The following CADM1 variants were observed in gnomAD, a reference collection of about 807,000 sequenced individuals.
CADM1 encodes the protein cell adhesion molecule 1, also known as TSLC-1.
Under a neutral mutation model 53.1 loss-of-function variants are expected in CADM1, and 15 were observed. The ratio of observed to expected loss-of-function variants is 0.28; its 90% CI spans 0.19 to 0.44. The LOEUF (loss-of-function observed/expected upper bound fraction) is 0.44. Ranked by LOEUF, CADM1 falls within the 20% of genes least tolerant of loss-of-function variation. The pLI, the probability that CADM1 is intolerant of heterozygous loss-of-function variation, is 1.00. For synonymous variants in CADM1, 281 were observed against 243.0 expected (o/e 1.16, Z -1.45); for missense variants, 434 against 611.3 (o/e 0.71, Z 3.06).
chr11:115,220,685 A>G (rs1941371971), intron 5 of CADM1, among the ~76,000 whole-genome samples: 1 of 152,170 alleles, frequency 6.6e-6, no homozygotes, highest in African/African-American at 2.4e-5. Flanking sequence ...CAGCCTAGGA[A>G]TCAAATATTA....
intron 1 of CADM1, among the ~76,000 whole-genome samples, chr11:115,324,469 C>A (rs1395565406): frequency 6.6e-6 from 1 of 150,910 alleles, no homozygotes; most frequent in Non-Finnish European, 1.5e-5. Context: ...CTACAGAGCC[C>A]CAATCGGTAA....
At chr11:115,495,016 C>G (rs188944099) in intron 1 of CADM1, among the ~76,000 whole-genome samples, 1 of 152,206 alleles carries the variant, frequency 6.6e-6, no homozygotes, top group Admixed American at 6.5e-5. Flanking sequence ...GAGAGCTCTT[C>G]ACAATGAAGT....
intron 5 of CADM1, among the ~76,000 whole-genome samples, chr11:115,223,196 T>C (rs1224051598): frequency 6.6e-6 from 1 of 152,142 alleles, no homozygotes; most frequent in Non-Finnish European, 1.5e-5. Context: ...AGAATATAAT[T>C]TTGTTTTTCT....
intron 1 of CADM1, among the ~76,000 whole-genome samples, chr11:115,502,953 C>A (rs1949762215): frequency 6.6e-6 from 1 of 152,178 alleles, no homozygotes; most frequent in South Asian, 2.1e-4. Context: ...GCGTCCTCCG[C>A]CACTTGTTGC....
chr11:115,274,833 G>A (rs984896102), intron 1 of CADM1, among the ~76,000 whole-genome samples: 6 of 152,254 alleles, frequency 3.9e-5, no homozygotes, highest in Middle Eastern at 3.4e-3. Context: ...CAGATCTTGT[G>A]TCTTCCCCCA....
At chr11:115,263,263 T>C (rs1943031990) in intron 1 of CADM1, among the ~76,000 whole-genome samples, 2 of 152,240 alleles carry the variant, frequency 1.3e-5, no homozygotes, top group Admixed American at 1.3e-4. Context: ...TTGGAGTCAC[T>C]GACATCCAGC....
chr11:115,383,876 G>A (rs1218293947), intron 1 of CADM1, among the ~76,000 whole-genome samples: 2 of 151,772 alleles, frequency 1.3e-5, no homozygotes, highest in Admixed American at 1.3e-4. Flanking sequence ...ACCTTTCATA[G>A]CAAGAGCCAA....
intron 1 of CADM1, among the ~76,000 whole-genome samples, chr11:115,455,847 G>A (rs1030253170): frequency 6.6e-6 from 1 of 152,150 alleles, no homozygotes; most frequent in Non-Finnish European, 1.5e-5. Context: ...GTTGACAGCA[G>A]CGTGTTGCGT....
intron 1 of CADM1, among the ~76,000 whole-genome samples, chr11:115,420,433 C>T (rs1947724172): frequency 6.6e-6 from 1 of 152,178 alleles, no homozygotes; most frequent in Admixed American, 6.5e-5. Context: ...TTCTGCCCAA[C>T]AAATTGCATG....
chr11:115,198,723 G>A (rs202182685), intron 8 of CADM1, among the ~76,000 whole-genome samples: 2 of 152,144 alleles, frequency 1.3e-5, no homozygotes, highest in Admixed American at 6.5e-5. Flanking sequence ...ATAGTCAGGT[G>A]GACATGCAAA....
rs947458147 is a variant in CADM1 at position 115,174,737 on chromosome 11, GAATA to G, written c.*1733_*1736del. ...AAAATTACTCACTGAAAATGTAATA[GAATA>G]TATATTTATATATATATATAGATCT... On this transcript the variant is annotated 3_prime_UTR_variant, in exon 12 of 12. Coordinates refer to ENST00000331581, the MANE Select transcript of CADM1 (RefSeq NM_001301043.2). 1.4e-5 allele frequency: 12 copies of G among 877,124 alleles called. No homozygotes were observed. Among genetic ancestry groups the G allele is most frequent in the African/African-American group, 9.1e-5 (5 of 54,978 alleles). 54.3% of individuals were successfully genotyped at this position (877,124 alleles called of 1,614,324 possible).
At chr11:115,267,840 TCA>T (rs1428371226) in intron 1 of CADM1, among the ~76,000 whole-genome samples, 5 of 151,644 alleles carry the variant, frequency 3.3e-5, no homozygotes, top group Non-Finnish European at 7.4e-5. Context: ...GCAAAAGAAC[TCA>T]GATTCAGGAA....
intron 1 of CADM1, among the ~76,000 whole-genome samples, chr11:115,405,996 A>G (rs1344159617): frequency 6.6e-6 from 1 of 152,196 alleles, no homozygotes; most frequent in Non-Finnish European, 1.5e-5. Context: ...TATATATGTG[A>G]AATATACAAC....
intron 1 of CADM1, among the ~76,000 whole-genome samples, chr11:115,493,254 C>A (rs1238266790): frequency 2.7e-5 from 4 of 148,898 alleles, no homozygotes; most frequent in Non-Finnish European, 5.9e-5. Context: ...TGAAACATAC[C>A]ATACTGAACC....
chr11:115,425,759 C>T (rs1947874103), intron 1 of CADM1, among the ~76,000 whole-genome samples: 1 of 152,224 alleles, frequency 6.6e-6, no homozygotes, highest in South Asian at 2.1e-4. Context: ...TAGCTTGACA[C>T]TTCATAGAAA....
chr11:115,442,469 A>T (rs574594006), intron 1 of CADM1, among the ~76,000 whole-genome samples: 4 of 152,136 alleles, frequency 2.6e-5, no homozygotes, highest in Non-Finnish European at 5.9e-5. Flanking sequence ...GAAAATCATC[A>T]TCTCTCCATC....
At chr11:115,400,382 A>T (rs1231699832) in intron 1 of CADM1, among the ~76,000 whole-genome samples, 1 of 151,730 alleles carries the variant, frequency 6.6e-6, no homozygotes, top group Admixed American at 6.6e-5. Context: ...AAAAGTATAC[A>T]TAGAAAATTG....
At position 115,270,833 on chromosome 11, in the gene CADM1, T is replaced by TA. The variant is rs796979898; in HGVS notation, c.125-30414dup. On this transcript the variant is annotated intron_variant, in intron 1 of 11. Coordinates refer to ENST00000331581, the MANE Select transcript of CADM1 (RefSeq NM_001301043.2). ...TTCAAGAGAACATTCCCACTTTCTC[T>TA]AAAATCCAGTCCACTTGGTTTACAA... 9.4e-4 allele frequency among the ~76,000 whole-genome samples: 143 copies of TA among 152,360 alleles called. 2 individuals carry two copies. Among genetic ancestry groups the TA allele is most frequent in the African/African-American group, 3.4e-3 (141 of 41,596 alleles).
intron 10 of CADM1, among the ~76,000 whole-genome samples, chr11:115,183,765 C>T (rs1188064938): frequency 2.6e-5 from 4 of 152,114 alleles, no homozygotes; most frequent in Non-Finnish European, 1.5e-5. Context: ...TAAACGCACA[C>T]TTTAACTCTT....
Sources: allele counts gnomAD v4.1 joint callset (sites outside exome capture counted in the v4.1 genomes callset), GRCh38; gene constraint gnomAD v4.1.1; transcripts MANE v1.5; gene names NCBI Gene and HGNC (gene_info 2026-07-23, HGNC 2026-07-21).